The following GPD2 variants were observed in gnomAD, a reference collection of about 807,000 sequenced individuals.
GPD2 encodes glycerol-3-phosphate dehydrogenase, mitochondrial.
GPD2 carries 54 observed loss-of-function variants against 82.4 expected under a neutral mutation model. That is an observed-to-expected ratio of 0.66 (90% CI 0.53 to 0.82). The LOEUF (loss-of-function observed/expected upper bound fraction) is 0.82. Ranked by LOEUF, GPD2 falls within the 40% of genes least tolerant of loss-of-function variation. The probability of loss-of-function intolerance (pLI) is 0.00; values close to 1 mark genes in which losing one functional copy is unlikely to be tolerated. For missense variants in GPD2, 748 were observed against 896.2 expected (o/e 0.83, Z 2.11); for synonymous variants, 288 against 306.1 (o/e 0.94, Z 0.62).
intron 6 of GPD2, among the ~76,000 whole-genome samples, chr2:156,548,814 C>A (rs183908833): frequency 6.6e-6 from 1 of 152,226 alleles, no homozygotes; most frequent in Non-Finnish European, 1.5e-5. Flanking sequence ...GAGAACCTGG[C>A]CCCTGCAATG....
intron 3 of GPD2, among the ~76,000 whole-genome samples, chr2:156,501,294 TA>T (rs1684578267): frequency 6.6e-6 from 1 of 152,356 alleles, no homozygotes; most frequent in Admixed American, 6.5e-5. Flanking sequence ...GAGACTTTTA[TA>T]AATGGTATTT....
At position 156,569,353 on chromosome 2, in the gene GPD2, T is replaced by C; in HGVS notation, c.1301-10T>C. 1 of 1,589,598 alleles carries C rather than the reference T, an allele frequency of 6.3e-7. No individual in the cohort carries two copies. Among genetic ancestry groups the C allele is most frequent in the Non-Finnish European group, 8.6e-7 (1 of 1,158,024 alleles). On this transcript the variant is annotated splice_polypyrimidine_tract_variant and intron_variant, in intron 10 of 16. Coordinates refer to ENST00000438166, the MANE Select transcript of GPD2 (RefSeq NM_000408.5). ...GCAACCTGATGAATTGTCTATCAAT[T>C]TCTTTATAGGTGGAAAGTGGACAAC... is the stretch of plus-strand genomic sequence containing the variant.
At chr2:156,474,074 C>A (rs555365866) in intron 1 of GPD2, among the ~76,000 whole-genome samples, 2 of 152,232 alleles carry the variant, frequency 1.3e-5, no homozygotes, top group African/African-American at 4.8e-5. Flanking sequence ...TTCTGTCTCC[C>A]AGGCTGGAGT....
Position 156,582,802 on chromosome 2 carries a change from G to A in GPD2, c.2068G>A (p.Ala690Thr), listed in dbSNP as rs763268883. 1 of 1,612,916 alleles carries A rather than the reference G, an allele frequency of 6.2e-7. No individual in the cohort carries two copies. The highest frequency in any genetic ancestry group is 8.5e-7 in the Non-Finnish European group (1 of 1,179,096). The change falls in exon 17 of 17, where the codon GCT becomes ACT. Residue 690 changes from alanine (A) to threonine (T), a missense_variant. Ala to Thr is a moderately conservative substitution (Grantham distance 58). This residue lies in a region of GPD2 where 46 missense variants were observed against 49.1 expected (regional missense o/e 0.94). Coordinates refer to ENST00000438166, the MANE Select transcript of GPD2 (RefSeq NM_000408.5). ...ELNEFLQLMS[A>T]IQKGRVSGSR... ...ATATTTTCTCTTTAAGCTGATGAGT[G>A]CTATTCAAAAAGGAAGGGTATCTGG...
intron 2 of GPD2, among the ~76,000 whole-genome samples, chr2:156,476,987 G>A (rs2105203648): frequency 6.6e-6 from 1 of 152,298 alleles, no homozygotes; most frequent in East Asian, 1.9e-4. Context: ...CAAACAATTT[G>A]TAACTGAGTG....
At chr2:156,425,018 C>T in the GPD2 span, among the ~76,000 whole-genome samples, 1 of 152,124 alleles carries the variant, frequency 6.6e-6, no homozygotes, top group Admixed American at 6.5e-5. Context: ...CTGTAATTTC[C>T]TAATGCCATG....
intron 1 of GPD2, among the ~76,000 whole-genome samples, chr2:156,474,527 TC>T (rs1226524636): frequency 9.2e-5 from 14 of 152,316 alleles, no homozygotes; most frequent in Admixed American, 2.6e-4. Context: ...GGTAGTGGCT[TC>T]CCTGTTTCCC....
the GPD2 span, among the ~76,000 whole-genome samples, chr2:156,403,149 GA>G: frequency 1.5e-5 from 2 of 136,730 alleles, no homozygotes; most frequent in Non-Finnish European, 3.2e-5. Flanking sequence ...AGAACACAAG[GA>G]AAAAAGTCTT....
intron 6 of GPD2, among the ~76,000 whole-genome samples, chr2:156,549,336 C>T (rs953438226): frequency 1.3e-5 from 2 of 152,198 alleles, no homozygotes; most frequent in African/African-American, 4.8e-5. Flanking sequence ...TTACTTATTT[C>T]TTAACTTTCA....
chr2:156,418,056 A>T, the GPD2 span, among the ~76,000 whole-genome samples: 13 of 151,616 alleles, frequency 8.6e-5, no homozygotes, highest in African/African-American at 2.9e-4. Flanking sequence ...CTCTACTAAA[A>T]ATACAAAAAA....
At chr2:156,526,457 G>A (rs1160629800) in intron 6 of GPD2, among the ~76,000 whole-genome samples, 1 of 152,100 alleles carries the variant, frequency 6.6e-6, no homozygotes, top group Non-Finnish European at 1.5e-5. Context: ...GTCAGACTAA[G>A]TGCTTCTGTC....
the GPD2 span, among the ~76,000 whole-genome samples, chr2:156,415,672 G>A: frequency 6.6e-6 from 1 of 151,842 alleles, no homozygotes; most frequent in Admixed American, 6.6e-5. Flanking sequence ...CCTGACCAAC[G>A]TGGAAAAACC....
chr2:156,496,502 G>A (rs1455553212), intron 3 of GPD2, among the ~76,000 whole-genome samples: 1 of 151,914 alleles, frequency 6.6e-6, no homozygotes, highest in Non-Finnish European at 1.5e-5. Context: ...CTTTCTCCCA[G>A]TAAATACACA....
chr2:156,491,541 T>TA (rs1684174866), intron 2 of GPD2, among the ~76,000 whole-genome samples: 1 of 152,246 alleles, frequency 6.6e-6, no homozygotes, highest in Admixed American at 6.5e-5. Flanking sequence ...TTCCATTGCT[T>TA]ACACAGTTTG....
chr2:156,534,821 A>C (rs1686001319), intron 6 of GPD2, among the ~76,000 whole-genome samples: 1 of 152,174 alleles, frequency 6.6e-6, no homozygotes, highest in Non-Finnish European at 1.5e-5. Flanking sequence ...AAAAAAAAAA[A>C]AACTCTAACA....
chr2:156,504,141 A>G (rs564406787), intron 3 of GPD2, among the ~76,000 whole-genome samples: 1 of 152,228 alleles, frequency 6.6e-6, no homozygotes, highest in East Asian at 1.9e-4. Context: ...CCAACTCAAT[A>G]TCATATATTT....
chr2:156,519,008 A>G (rs565408366), intron 6 of GPD2, among the ~76,000 whole-genome samples: 1 of 152,340 alleles, frequency 6.6e-6, no homozygotes, highest in East Asian at 1.9e-4. Flanking sequence ...GCACACACCC[A>G]TCCACTAGGG....
chr2:156,482,525 A>T (rs1683769572), intron 2 of GPD2, among the ~76,000 whole-genome samples: 1 of 152,212 alleles, frequency 6.6e-6, no homozygotes, highest in Admixed American at 6.5e-5. Flanking sequence ...AACATTCTTT[A>T]AAAACAGGCA....
chr2:156,458,940 G>C (rs1179233676), intron 1 of GPD2, among the ~76,000 whole-genome samples: 1 of 151,858 alleles, frequency 6.6e-6, no homozygotes, highest in African/African-American at 2.4e-5. Context: ...ACATTTTGGG[G>C]TATATTCGTC....
Sources: allele counts gnomAD v4.1 joint callset (sites outside exome capture counted in the v4.1 genomes callset), GRCh38; gene constraint gnomAD v4.1.1; regional missense constraint gnomAD v4.1.1; transcripts MANE v1.5; gene names NCBI Gene and HGNC (gene_info 2026-07-23, HGNC 2026-07-21).